Variants in CLDN10 observed in about 807,000 individuals in gnomAD.
CLDN10 encodes claudin 10.
In CLDN10, 15 loss-of-function variants were observed where a neutral mutation model predicts 22.9. The ratio of observed to expected loss-of-function variants is 0.65; its 90% CI spans 0.44 to 1.01. The LOEUF (loss-of-function observed/expected upper bound fraction) is 1.01, where lower values mean the gene tolerates loss of function less well. Ranked by LOEUF, CLDN10 falls within the 50% of genes least tolerant of loss-of-function variation. The probability of loss-of-function intolerance (pLI) is 0.00; values close to 1 mark genes in which losing one functional copy is unlikely to be tolerated. For missense variants in CLDN10, 247 were observed against 287.8 expected (o/e 0.86, Z 1.03); for synonymous variants, 114 against 111.4 (o/e 1.02, Z -0.15).
At chr13:95,438,400 C>T (rs541982655) in intron 1 of CLDN10, among the ~76,000 whole-genome samples, 1 of 152,330 alleles carries the variant, frequency 6.6e-6, no homozygotes, top group Admixed American at 6.5e-5. Flanking sequence ...CCATCGTGCC[C>T]TGCCAAGGCC....
At chr13:95,536,907 T>C (rs2043406383) in intron 1 of CLDN10, among the ~76,000 whole-genome samples, 1 of 152,360 alleles carries the variant, frequency 6.6e-6, no homozygotes, top group South Asian at 2.1e-4. Flanking sequence ...TTGCTGCTAG[T>C]GGTATTTAAA....
At chr13:95,489,086 G>A (rs952169398) in intron 1 of CLDN10, among the ~76,000 whole-genome samples, 5 of 105,606 alleles carry the variant, frequency 4.7e-5, no homozygotes, top group African/African-American at 2.1e-4. Flanking sequence ...CGAGAAGCTG[G>A]GATTCAGGCA....
intron 1 of CLDN10, among the ~76,000 whole-genome samples, chr13:95,474,277 A>G (rs1489096210): frequency 6.6e-6 from 1 of 152,134 alleles, no homozygotes; most frequent in East Asian, 1.9e-4. Context: ...GCAGTTTGCA[A>G]TAGGGTTCGT....
At chr13:95,523,241 A>T (rs2138588401) in intron 1 of CLDN10, among the ~76,000 whole-genome samples, 1 of 152,198 alleles carries the variant, frequency 6.6e-6, no homozygotes, top group Non-Finnish European at 1.5e-5. Context: ...AGTACAACTG[A>T]CTTATTGATT....
At chr13:95,544,028 CT>C (rs2043484770) in intron 1 of CLDN10, among the ~76,000 whole-genome samples, 1 of 152,114 alleles carries the variant, frequency 6.6e-6, no homozygotes, top group Non-Finnish European at 1.5e-5. Context: ...GCTTAACATT[CT>C]ACCAATCTTA....
chr13:95,569,203 A>G (rs570368312), intron 3 of CLDN10, among the ~76,000 whole-genome samples: 126 of 138,646 alleles, frequency 9.1e-4, no homozygotes, highest in African/African-American at 3.0e-3. Context: ...TGTATGTTGA[A>G]ATGTTGGAGA....
At chr13:95,479,147 A>G (rs1299963950) in intron 1 of CLDN10, among the ~76,000 whole-genome samples, 1 of 152,196 alleles carries the variant, frequency 6.6e-6, no homozygotes, top group African/African-American at 2.4e-5. Flanking sequence ...TCAGGAGTTC[A>G]AGAACAGCCT....
intron 1 of CLDN10, among the ~76,000 whole-genome samples, chr13:95,467,451 C>A (rs1197590427): frequency 2.0e-5 from 3 of 152,024 alleles, no homozygotes; most frequent in African/African-American, 7.3e-5. Flanking sequence ...CAAACTAAGG[C>A]TCTTCCATTG....
rs531806451 is a variant in CLDN10, at chr13:95,488,705, T to C, written c.214+54658T>C. Among the ~76,000 whole-genome samples, 44 of 152,314 alleles carry C rather than the reference T, an allele frequency of 2.9e-4. No homozygotes were observed. The South Asian group carries it at 6.4e-3, about 22-fold the overall frequency. ...GCAAACACTGATAATTCATTTCTTTTTAGGTCTGCGTAGTATTCCATCATA... is the reference window on the plus strand; with the variant it reads ...GCAAACACTGATAATTCATTTCTTTCTAGGTCTGCGTAGTATTCCATCATA... On this transcript the variant is annotated intron_variant, in intron 1 of 4. Transcript: ENST00000376873.
At chr13:95,490,186 G>C (rs4335657) in intron 1 of CLDN10, among the ~76,000 whole-genome samples, 79,938 of 151,930 alleles carry the variant, frequency 0.53, 21,496 homozygotes, top group African/African-American at 0.63. Flanking sequence ...GCTTAGTCCT[G>C]GTTTGGCTAT....
chr13:95,519,700 A>AG (rs147123534), intron 1 of CLDN10, among the ~76,000 whole-genome samples: 15,000 of 152,296 alleles, frequency 0.098, 922 homozygotes, highest in Middle Eastern at 0.12. Context: ...AAGCTGCCAC[A>AG]GGGCAAGTCT....
intron 3 of CLDN10, among the ~76,000 whole-genome samples, chr13:95,563,211 A>G (rs1328170126): frequency 9.9e-5 from 8 of 81,206 alleles, no homozygotes; most frequent in East Asian, 9.7e-4. Flanking sequence ...TTAAGAGAGG[A>G]GAGAGAGAGA....
chr13:95,438,973 CGCAAAA>C (rs1427014557), intron 1 of CLDN10, among the ~76,000 whole-genome samples: 87 of 87,726 alleles, frequency 9.9e-4, no homozygotes, highest in African/African-American at 3.9e-3. Context: ...AAGACTCCAT[CGCAAAA>C]AAAAAAAAAA....
At chr13:95,451,399 T>A (rs1450240556) in intron 1 of CLDN10, among the ~76,000 whole-genome samples, 1 of 152,214 alleles carries the variant, frequency 6.6e-6, no homozygotes, top group African/African-American at 2.4e-5. Context: ...TAGAAGGGAC[T>A]TTTGTCTTCA....
intron 1 of CLDN10, among the ~76,000 whole-genome samples, chr13:95,477,878 G>T (rs193037797): frequency 2.0e-5 from 3 of 152,340 alleles, no homozygotes; most frequent in Admixed American, 1.3e-4. Flanking sequence ...AAAACGTGTG[G>T]TTCGTTAGGG....
chr13:95,551,875 T>C (rs2043570321), upstream of CLDN10, among the ~76,000 whole-genome samples: 3 of 151,790 alleles, frequency 2.0e-5, no homozygotes, highest in Admixed American at 1.3e-4. Flanking sequence ...GCGTGAGAGA[T>C]GGAGGTGGTT....
At chr13:95,490,403 T>C (rs1434838882) in intron 1 of CLDN10, among the ~76,000 whole-genome samples, 1 of 152,158 alleles carries the variant, frequency 6.6e-6, no homozygotes, top group African/African-American at 2.4e-5. Flanking sequence ...TTCAGCAGTG[T>C]TTTGTAGTTT....
chr13:95,450,107 T>C lies in CLDN10; in HGVS notation c.214+16060T>C, dbSNP rs545956481. Among the ~76,000 whole-genome samples the C allele has an allele frequency of 3.7e-3, 561 of 152,242 alleles. 4 individuals are homozygous for C. The highest frequency in any genetic ancestry group is 0.013 in the African/African-American group (550 of 41,528). On this transcript the variant is annotated intron_variant, in intron 1 of 4. Transcript: ENST00000376873. ...CCAGGTAGGTCTTGAACTCCTGGCC[T>C]GAAGCAATTCTCCCACCTTGGCCTT... is the stretch of plus-strand genomic sequence containing the variant.
chr13:95,475,604 T>A (rs756546709), intron 1 of CLDN10, among the ~76,000 whole-genome samples: 1 of 152,146 alleles, frequency 6.6e-6, no homozygotes, highest in Admixed American at 6.5e-5. Flanking sequence ...TTTGCCCCAA[T>A]GGCCTCTGGG....
Sources: gnomAD v4.1 joint callset for allele counts (sites outside exome capture counted in the v4.1 genomes callset) on GRCh38, gnomAD v4.1.1 for gene constraint, MANE v1.5 for transcripts, NCBI Gene and HGNC (gene_info 2026-07-23, HGNC 2026-07-21) for gene names.